SUMF1: variants seen among roughly 807,000 people sequenced by gnomAD.
SUMF1 encodes the protein sulfatase modifying factor 1.
A neutral mutation model predicts 47.6 loss-of-function variants in SUMF1; 48 were observed. The ratio of observed to expected loss-of-function variants is 1.01; its 90% CI spans 0.80 to 1.28. SUMF1 has a LOEUF of 1.28. Among genes scored for constraint, SUMF1 ranks in the 50% most tolerant of loss-of-function variants. The probability of loss-of-function intolerance (pLI) is 0.00; values close to 1 mark genes in which losing one functional copy is unlikely to be tolerated. For missense variants in SUMF1, 571 were observed against 485.4 expected, an observed-to-expected ratio of 1.18 and a Z score of -1.66; for synonymous variants, 230 against 192.1, an observed-to-expected ratio of 1.20 and a Z score of -1.63.
intron 8 of SUMF1, among the ~76,000 whole-genome samples, chr3:4,082,160 C>G (rs935430860): frequency 3.3e-5 from 5 of 152,176 alleles, no homozygotes; most frequent in Admixed American, 6.5e-5. Context: ...CTTTTTATGT[C>G]TGAAATCATT....
intron 8 of SUMF1, among the ~76,000 whole-genome samples, chr3:4,140,680 T>C (rs1694050551): frequency 6.6e-6 from 1 of 152,074 alleles, no homozygotes; most frequent in Non-Finnish European, 1.5e-5. Flanking sequence ...AATGTGACAC[T>C]ACTTTATGTA....
intron 6 of SUMF1, among the ~76,000 whole-genome samples, chr3:4,416,047 C>CA: frequency 6.6e-6 from 1 of 152,112 alleles, no homozygotes. Context: ...TACAGTAGCA[C>CA]AAAGGGACTA....
intron 8 of SUMF1, among the ~76,000 whole-genome samples, chr3:4,085,685 T>A (rs1692656470): frequency 1.3e-5 from 2 of 152,074 alleles, no homozygotes; most frequent in South Asian, 4.1e-4. Context: ...CCAGAACTGA[T>A]GTCATATATA....
At chr3:4,065,683 A>T (rs966428806) in intron 9 of SUMF1, among the ~76,000 whole-genome samples, 4 of 152,090 alleles carry the variant, frequency 2.6e-5, no homozygotes, top group Non-Finnish European at 4.4e-5. Flanking sequence ...TTGAGTGCCT[A>T]TGGAGTGCTA....
intron 8 of SUMF1, among the ~76,000 whole-genome samples, chr3:4,255,995 C>T (rs1042796631): frequency 6.7e-6 from 1 of 149,310 alleles, no homozygotes; most frequent in Non-Finnish European, 1.5e-5. Flanking sequence ...GCAAACTGAA[C>T]AACCTGCTCC....
intron 8 of SUMF1, among the ~76,000 whole-genome samples, chr3:4,071,195 T>C (rs1695512819): frequency 1.3e-5 from 2 of 152,028 alleles, no homozygotes; most frequent in Admixed American, 6.6e-5. Flanking sequence ...GATGGCTGAA[T>C]AGGAACAGCT....
chr3:4,318,860 T>C (rs114070796), intron 8 of SUMF1, among the ~76,000 whole-genome samples: 1,634 of 152,116 alleles, frequency 0.011, 19 homozygotes, highest in African/African-American at 0.036. Flanking sequence ...GAGCTGAGAT[T>C]ACACCACTGC....
In SUMF1 at chr3:4,290,346, C is replaced by T. The variant is rs375850703; in HGVS notation, c.1014+85984G>A. ...ATCTGAATTTTCTCATCACAATTTG[C>T]TACAAACATTTTTTAACTCTTTCCT... On this transcript the variant is annotated intron_variant and NMD_transcript_variant, in intron 8 of 12. Coordinates refer to the SUMF1 transcript ENST00000448413. 2.6e-5 allele frequency among the ~76,000 whole-genome samples: 4 copies of T among 151,352 alleles called. No individual in the cohort carries two copies. In the East Asian group the frequency reaches 7.7e-4, roughly 29 times the overall value.
intron 8 of SUMF1, among the ~76,000 whole-genome samples, chr3:4,327,453 C>A (rs546390704): frequency 6.6e-6 from 1 of 151,674 alleles, no homozygotes; most frequent in Non-Finnish European, 1.5e-5. Context: ...TGGGAAGAAT[C>A]AAAGTAAAAC....
intron 8 of SUMF1, among the ~76,000 whole-genome samples, chr3:4,173,238 C>T (rs568605507): frequency 3.9e-5 from 6 of 152,310 alleles, no homozygotes; most frequent in Admixed American, 2.6e-4. Flanking sequence ...CAGTACCACA[C>T]TACCACACTG....
intron 3 of SUMF1, among the ~76,000 whole-genome samples, chr3:4,435,513 T>A (rs1277492602): frequency 1.3e-5 from 2 of 152,036 alleles, no homozygotes; most frequent in African/African-American, 4.8e-5. Flanking sequence ...ATCCCAAATA[T>A]GATTAAAAAC....
intron 8 of SUMF1, 34 bp from the exon 9 acceptor site, chr3:4,362,288 T>C: frequency 6.3e-7 from 1 of 1,582,092 alleles, no homozygotes; most frequent in Non-Finnish European, 8.7e-7. Flanking sequence ...TAAGTGCTAC[T>C]GGGACTCTCA....
At chr3:4,106,336 T>C (rs887276894) in intron 8 of SUMF1, among the ~76,000 whole-genome samples, 1 of 152,084 alleles carries the variant, frequency 6.6e-6, no homozygotes, top group Admixed American at 6.6e-5. Context: ...TACTTCTTTT[T>C]TCAGCTAGGG....
chr3:4,186,989 T>C lies in SUMF1; in HGVS notation c.1015-118244A>G, dbSNP rs139554195. On this transcript the variant is annotated intron_variant and NMD_transcript_variant, in intron 8 of 12. Coordinates refer to the SUMF1 transcript ENST00000448413. ...ACCAATATGTTACTAGCATAACATATTGCTAGTTATGCAATACATTCAGGA... is the reference window on the plus strand; with the variant it reads ...ACCAATATGTTACTAGCATAACATACTGCTAGTTATGCAATACATTCAGGA... Among the ~76,000 whole-genome samples the C allele has an allele frequency of 2.0e-4, 30 of 152,312 alleles. No individual in the cohort carries two copies. In the East Asian group the frequency reaches 5.6e-3, roughly 28 times the overall value.
intron 8 of SUMF1, among the ~76,000 whole-genome samples, chr3:4,172,563 T>C (rs1310977750): frequency 6.6e-6 from 1 of 152,150 alleles, no homozygotes; most frequent in East Asian, 1.9e-4. Context: ...GAAAGTGAGG[T>C]TCAGATGGGG....
intron 7 of SUMF1, 26 bp from the exon 8 acceptor site, chr3:4,376,415 T>G (rs1168398851): frequency 6.2e-7 from 1 of 1,613,564 alleles, no homozygotes; most frequent in Admixed American, 1.7e-5. Flanking sequence ...AAAGGCTATG[T>G]TAGACCAGAA....
At chr3:4,388,554 T>A (rs1477767931) in intron 7 of SUMF1, among the ~76,000 whole-genome samples, 2 of 152,114 alleles carry the variant, frequency 1.3e-5, no homozygotes, top group African/African-American at 4.8e-5. Flanking sequence ...GCAATGTACT[T>A]TTAATATAAT....
intron 9 of SUMF1, among the ~76,000 whole-genome samples, chr3:4,056,988 C>T (rs1336043630): frequency 2.0e-5 from 3 of 152,076 alleles, no homozygotes; most frequent in African/African-American, 4.8e-5. Context: ...CCTCGTGATC[C>T]ACCCACCTCA....
chr3:4,136,551 A>T (rs1388488455), intron 8 of SUMF1, among the ~76,000 whole-genome samples: 1 of 152,108 alleles, frequency 6.6e-6, no homozygotes, highest in Non-Finnish European at 1.5e-5. Flanking sequence ...CATTCAGGAC[A>T]TAGGCATGGG....
Sources: allele counts gnomAD v4.1 joint callset (sites outside exome capture counted in the v4.1 genomes callset), GRCh38; gene constraint gnomAD v4.1.1; transcripts MANE v1.5; gene names NCBI Gene and HGNC (gene_info 2026-07-23, HGNC 2026-07-21).